The following DSC3 variants were observed in gnomAD, a reference collection of about 807,000 sequenced individuals.
DSC3 encodes desmocollin 3, also known as desmocollin-3.
Under a neutral mutation model 89.5 loss-of-function variants are expected in DSC3, and 97 were observed. The ratio of observed to expected loss-of-function variants is 1.08; its 90% CI spans 0.92 to 1.28. The LOEUF (loss-of-function observed/expected upper bound fraction) is 1.28, where lower values mean the gene tolerates loss of function less well. Among genes scored for constraint, DSC3 ranks in the 50% most tolerant of loss-of-function variants. DSC3 has a pLI of 0.00. For synonymous variants in DSC3, 436 were observed against 384.1 expected (o/e 1.14, Z -1.58); for missense variants, 1,199 against 1,085.3 (o/e 1.10, Z -1.47).
chr18:30,996,752 G>A (rs1984478938), intron 15 of DSC3, 39 bp downstream of exon 15: 9 of 1,610,010 alleles, frequency 5.6e-6, no homozygotes, highest in Non-Finnish European at 7.6e-6. Flanking sequence ...TCCATTCGGA[G>A]GTTTAAATTT....
intron 3 of DSC3, 115 bp from the exon 4 acceptor site, chr18:31,029,743 T>A (rs1985720091): frequency 4.5e-6 from 6 of 1,344,538 alleles, no homozygotes; most frequent in Non-Finnish European, 6.3e-6. Flanking sequence ...GTGTCAGGCA[T>A]TTCCATGCTG....
Position 31,008,166 on chromosome 18 carries a change from T to TAA in DSC3, c.1521-10_1521-9dup, listed in dbSNP as rs371902933. 21 of 1,496,444 alleles carry TAA rather than the reference T, an allele frequency of 1.4e-5. No individual in the cohort carries two copies. In the African/African-American group the frequency reaches 2.4e-4, roughly 17 times the overall value. 92.7% of individuals were successfully genotyped at this position (1,496,444 alleles called of 1,614,324 possible). On this transcript the variant is annotated splice_polypyrimidine_tract_variant and intron_variant, in intron 10 of 15. Coordinates refer to ENST00000360428, the MANE Select transcript of DSC3 (RefSeq NM_001941.5). ...TCATGCAATTTTTTGTACCTGTTAA[T>TAA]AAAAAAAAAATAGTCTTTAGCATCA...
chr18:31,021,614 G>C (rs1351000987), intron 7 of DSC3, among the ~76,000 whole-genome samples: 1 of 152,032 alleles, frequency 6.6e-6, no homozygotes, highest in East Asian at 1.9e-4. Context: ...TTCCAATAAA[G>C]CTATTTTGTC....
At chr18:31,039,236 A>G (rs2144743673) in intron 1 of DSC3, among the ~76,000 whole-genome samples, 1 of 152,314 alleles carries the variant, frequency 6.6e-6, no homozygotes, top group East Asian at 1.9e-4. Flanking sequence ...ACCTTATCAG[A>G]CGAATCATTA....
chr18:31,042,619 G>A lies in DSC3; in HGVS notation c.42C>T (p.Val14=). 6.4e-7 allele frequency: 1 copy of A among 1,550,474 alleles called. No homozygotes were observed. The highest frequency in any genetic ancestry group is 1.2e-5 in the South Asian group (1 of 84,074). The change falls in exon 1 of 16, where the codon GTC becomes GTT. Residue 14 remains valine (V), a synonymous_variant. Coordinates refer to ENST00000360428, the MANE Select transcript of DSC3 (RefSeq NM_001941.5). The part of the protein sequence containing the change: ...AGPRRSVRGA[V]CLHLLLTLVI... ...CGAGGGTCAGCAGCAGATGCAGGCA[G>A]ACGGCTCCGCGCACGGAGCGCCGGG...
At chr18:31,039,914 T>A (rs1161696890) in intron 1 of DSC3, among the ~76,000 whole-genome samples, 3 of 152,204 alleles carry the variant, frequency 2.0e-5, no homozygotes, top group African/African-American at 7.2e-5. Flanking sequence ...AGTTTTCATC[T>A]ACTTCCTTTA....
chr18:31,018,607 G>T (rs556768241), intron 8 of DSC3, 59 bp downstream of exon 8: 2 of 1,537,380 alleles, frequency 1.3e-6, no homozygotes, highest in Non-Finnish European at 1.8e-6. Context: ...TATTAATTCA[G>T]TTTAAATAAA....
In DSC3 at chr18:31,031,133, C is replaced by T. The variant is rs774233423; in HGVS notation, c.194G>A (p.Arg65Gln). 11 of 1,613,104 alleles carry T rather than the reference C, an allele frequency of 6.8e-6. No homozygotes were observed. Among genetic ancestry groups the T allele is most frequent in the Middle Eastern group, 1.6e-4 (1 of 6,076 alleles). ...AACTCTGAAATCAGGATCACTTGAC[C>T]GGATGAGGTCTGCAGACCTGAAGCA... ...EECFRSADLIRSSDPDFRVLN... is the reference protein window; with the variant it reads ...EECFRSADLIQSSDPDFRVLN... The change falls in exon 3 of 16, where the codon CGG (arginine) becomes CAG (glutamine). Residue 65 changes from arginine to glutamine, a missense_variant. Physicochemically the swap from Arg to Gln is conservative, Grantham distance 43 (BLOSUM62 1). Coordinates refer to ENST00000360428, the MANE Select transcript of DSC3 (RefSeq NM_001941.5).
At chr18:31,023,015 G>T (rs377428420) in intron 6 of DSC3, among the ~76,000 whole-genome samples, 1 of 152,046 alleles carries the variant, frequency 6.6e-6, no homozygotes, top group African/African-American at 2.4e-5. Flanking sequence ...TTAATAAACC[G>T]GTTTAGTATC....
chr18:31,000,387 C>G (rs1013735986), intron 14 of DSC3, among the ~76,000 whole-genome samples: 7 of 152,184 alleles, frequency 4.6e-5, no homozygotes, highest in African/African-American at 1.7e-4. Context: ...CTTTCATCTT[C>G]CCCAACCCTG....
chr18:31,007,277 C>T (rs750701484), intron 11 of DSC3, 146 bp from the exon 12 acceptor site: 7 of 634,520 alleles, frequency 1.1e-5, no homozygotes, highest in Non-Finnish European at 1.9e-5. Context: ...AGAACATAGA[C>T]AGATAAATAG....
intron 4 of DSC3, among the ~76,000 whole-genome samples, 162 bp downstream of exon 4, chr18:31,029,347 A>G (rs755837420): frequency 1.3e-5 from 2 of 152,182 alleles, no homozygotes; most frequent in African/African-American, 2.4e-5. Flanking sequence ...TTCTCATATT[A>G]TTAGGTTTTT....
Position 31,042,682 on chromosome 18 carries a change from G to A in DSC3, c.-22C>T, listed in dbSNP as rs1282636610. 1.9e-6 allele frequency: 3 copies of A among 1,546,312 alleles called. No homozygotes were observed. The Admixed American group carries it at 5.9e-5, about 30-fold the overall frequency. ...CCATCGGGATGCCGGGCAGGGCCAGGAGAACGCGGGCGCCGGGAGGGTGCC... is the reference window on the plus strand; with the variant it reads ...CCATCGGGATGCCGGGCAGGGCCAGAAGAACGCGGGCGCCGGGAGGGTGCC... On this transcript the variant is annotated 5_prime_UTR_variant, in exon 1 of 16. Coordinates refer to ENST00000360428, the MANE Select transcript of DSC3 (RefSeq NM_001941.5).
At chr18:30,995,244 T>C (rs1984415629) in intron 15 of DSC3, among the ~76,000 whole-genome samples, 1 of 152,180 alleles carries the variant, frequency 6.6e-6, no homozygotes, top group Non-Finnish European at 1.5e-5. Flanking sequence ...ATGACATTGT[T>C]AGCCTTACCT....
chr18:31,013,228 C>G (rs1205209837), intron 9 of DSC3, among the ~76,000 whole-genome samples: 1 of 144,060 alleles, frequency 6.9e-6, no homozygotes, highest in African/African-American at 2.6e-5. Context: ...TATTTTATGA[C>G]AAAGAAAATA....
chr18:31,031,565 T>C (rs1419312297), intron 2 of DSC3, among the ~76,000 whole-genome samples: 1 of 152,170 alleles, frequency 6.6e-6, no homozygotes, highest in Non-Finnish European at 1.5e-5. Flanking sequence ...GATACACCTA[T>C]ATTCAGTGAG....
chr18:31,032,740 C>T (rs184474585), intron 1 of DSC3, among the ~76,000 whole-genome samples: 5 of 152,210 alleles, frequency 3.3e-5, no homozygotes, highest in African/African-American at 4.8e-5. Context: ...GGATTACAGG[C>T]GCCCGCCACC....
At chr18:31,005,584 A>G (rs191752826) in intron 12 of DSC3, among the ~76,000 whole-genome samples, 118 of 152,316 alleles carry the variant, frequency 7.7e-4, no homozygotes, top group Admixed American at 1.8e-3. Context: ...CTCTAATGAC[A>G]TGGATATACT....
chr18:31,002,789 A>G (rs927866057), intron 13 of DSC3, among the ~76,000 whole-genome samples: 4 of 152,206 alleles, frequency 2.6e-5, no homozygotes, highest in African/African-American at 9.7e-5. Flanking sequence ...CTATTGGAAC[A>G]CAGTAAAGCC....
Sources: gnomAD v4.1 joint callset for allele counts (sites outside exome capture counted in the v4.1 genomes callset) on GRCh38, gnomAD v4.1.1 for gene constraint, MANE v1.5 for transcripts, NCBI Gene and HGNC (gene_info 2026-07-23, HGNC 2026-07-21) for gene names.